The following CRISPLD2 variants were observed in gnomAD, a reference collection of about 807,000 sequenced individuals.
CRISPLD2 encodes the protein cysteine rich secretory protein LCCL domain containing 2, also known as cysteine-rich secretory protein LCCL domain-containing 2.
CRISPLD2 carries 47 observed loss-of-function variants against 71.1 expected under a neutral mutation model. The observed-to-expected ratio is 0.66, with a 90% confidence interval of 0.52 to 0.84. The LOEUF (loss-of-function observed/expected upper bound fraction) is 0.84, where lower values mean the gene tolerates loss of function less well. Ranked by LOEUF, CRISPLD2 falls within the 40% of genes least tolerant of loss-of-function variation. CRISPLD2 has a pLI of 0.00. For synonymous variants in CRISPLD2, 317 were observed against 250.1 expected (o/e 1.27, Z -2.52); for missense variants, 830 against 651.1 (o/e 1.27, Z -2.99).
intron 14 of CRISPLD2, among the ~76,000 whole-genome samples, chr16:84,893,319 C>T (rs965792044): frequency 6.6e-6 from 1 of 152,154 alleles, no homozygotes. Flanking sequence ...CACCTGTTGC[C>T]ACAACTTCAA....
intron 12 of CRISPLD2, among the ~76,000 whole-genome samples, 188 bp downstream of exon 12, chr16:84,877,698 A>G (rs2071532188): frequency 6.6e-6 from 1 of 151,784 alleles, no homozygotes; most frequent in Non-Finnish European, 1.5e-5. Flanking sequence ...AAAATTACAA[A>G]AATTAGTCAG....
chr16:84,865,813 T>G (rs1300144582), intron 6 of CRISPLD2, among the ~76,000 whole-genome samples: 1 of 152,190 alleles, frequency 6.6e-6, no homozygotes, highest in East Asian at 1.9e-4. Flanking sequence ...GGATGAAAAC[T>G]GGAAGATAAG....
chr16:84,871,237 C>T (rs1165711665), intron 8 of CRISPLD2, among the ~76,000 whole-genome samples: 1 of 152,098 alleles, frequency 6.6e-6, no homozygotes, highest in African/African-American at 2.4e-5. Flanking sequence ...AACAGCAACA[C>T]CATCATTGAG....
chr16:84,865,582 G>C (rs1917514251), intron 6 of CRISPLD2, among the ~76,000 whole-genome samples: 1 of 152,150 alleles, frequency 6.6e-6, no homozygotes, highest in African/African-American at 2.4e-5. Flanking sequence ...GGAGGCCACA[G>C]GTTTCCAACT....
intron 1 of CRISPLD2, among the ~76,000 whole-genome samples, chr16:84,827,500 G>A (rs559696378): frequency 7.9e-4 from 119 of 151,294 alleles, no homozygotes; most frequent in Non-Finnish European, 1.5e-3. Flanking sequence ...GTCACGCCTC[G>A]ACTGTGACCC....
chr16:84,898,875 A>G (rs1443938421), intron 14 of CRISPLD2, among the ~76,000 whole-genome samples: 2 of 152,148 alleles, frequency 1.3e-5, no homozygotes, highest in African/African-American at 2.4e-5. Flanking sequence ...CCTGGGCAAC[A>G]TAAGTGAGAC....
chr16:84,874,727 C>T (rs1332679536), intron 11 of CRISPLD2, among the ~76,000 whole-genome samples: 1 of 152,132 alleles, frequency 6.6e-6, no homozygotes, highest in Non-Finnish European at 1.5e-5. Flanking sequence ...AAAAGAATGC[C>T]TGTTTATTCC....
At chr16:84,890,275 C>T (rs928332658) in intron 14 of CRISPLD2, among the ~76,000 whole-genome samples, 4 of 152,124 alleles carry the variant, frequency 2.6e-5, no homozygotes, top group African/African-American at 4.8e-5. Context: ...AGGAGAATGG[C>T]GTGAACCCGG....
Position 84,906,468 on chromosome 16 carries a change from C to T in CRISPLD2, c.1440-120C>T. The T allele has an allele frequency of 9.4e-6, 9 of 961,178 alleles. No homozygotes were observed. The South Asian group carries it at 1.3e-4, about 14-fold the overall frequency. The allele number at this position is 961,178 out of a possible 1,614,324, so 59.5% of individuals were successfully genotyped here. ...GCGGCTTCAAGGAAGTGTCCCTTGG[C>T]CATGGCTCTTCCACTACGGGAGCAA... On this transcript the variant is annotated intron_variant, in intron 14 of 14. Transcript: ENST00000262424.
chr16:84,863,487 C>T (rs1411958918), intron 6 of CRISPLD2, among the ~76,000 whole-genome samples: 3 of 152,172 alleles, frequency 2.0e-5, no homozygotes, highest in Non-Finnish European at 2.9e-5. Context: ...GAGGTATTCT[C>T]CCCTCTCACC....
At chr16:84,903,999 C>G (rs995186019) in intron 14 of CRISPLD2, among the ~76,000 whole-genome samples, 7 of 152,244 alleles carry the variant, frequency 4.6e-5, no homozygotes, top group Non-Finnish European at 2.9e-5. Context: ...CCACACACCT[C>G]TGGCCATTGT....
chr16:84,901,552 A>C (rs1006102624), intron 14 of CRISPLD2, among the ~76,000 whole-genome samples: 2 of 147,916 alleles, frequency 1.4e-5, no homozygotes, highest in South Asian at 4.3e-4. Context: ...GCTCATTGCA[A>C]CCTCCACCTC....
At chr16:84,857,522 C>G (rs112081645) in intron 6 of CRISPLD2, among the ~76,000 whole-genome samples, 2 of 152,200 alleles carry the variant, frequency 1.3e-5, no homozygotes, top group Non-Finnish European at 2.9e-5. Flanking sequence ...AGTATATAAT[C>G]GCACATCTGG....
chr16:84,896,942 A>G (rs2143371916), intron 14 of CRISPLD2, among the ~76,000 whole-genome samples: 1 of 152,302 alleles, frequency 6.6e-6, no homozygotes, highest in East Asian at 1.9e-4. Flanking sequence ...TGGAACCAGA[A>G]CCGGCCGTCC....
chr16:84,868,752 G>T, intron 7 of CRISPLD2, 99 bp from the exon 8 acceptor site: 1 of 998,604 alleles, frequency 1.0e-6, no homozygotes, highest in Non-Finnish European at 1.6e-6. Flanking sequence ...AGCACGGATT[G>T]GATTGCAGAA....
chr16:84,907,203 G>C lies in CRISPLD2; in HGVS notation c.*561G>C, dbSNP rs2071810903. The C allele has an allele frequency of 6.0e-6, 1 of 167,958 alleles. No individual in the cohort carries two copies. The highest frequency in any genetic ancestry group is 1.4e-4 in the South Asian group (1 of 7,046). 10.4% of individuals were successfully genotyped at this position (167,958 alleles called of 1,614,324 possible). On this transcript the variant is annotated 3_prime_UTR_variant, in exon 15 of 15. Coordinates refer to ENST00000262424, the MANE Select transcript of CRISPLD2 (RefSeq NM_031476.4). ...ACAGACAAATGGGCTAGAGTAAGAGGGCTGCGGGTATGAGAGACCCCGGCT... is the reference window on the plus strand; with the variant it reads ...ACAGACAAATGGGCTAGAGTAAGAGCGCTGCGGGTATGAGAGACCCCGGCT...
At chr16:84,874,909 A>C (rs1434751654) in intron 11 of CRISPLD2, among the ~76,000 whole-genome samples, 1 of 152,164 alleles carries the variant, frequency 6.6e-6, no homozygotes. Context: ...CTTGAAATGG[A>C]GTTACATACA....
chr16:84,820,912 C>T (rs997277422), intron 1 of CRISPLD2, among the ~76,000 whole-genome samples: 1 of 152,196 alleles, frequency 6.6e-6, no homozygotes, highest in Non-Finnish European at 1.5e-5. Context: ...TGGACAGAGC[C>T]AGGGCTAGTC....
At chr16:84,872,571 A>G in intron 9 of CRISPLD2, 63 bp downstream of exon 9, 1 of 1,405,024 alleles carries the variant, frequency 7.1e-7, no homozygotes, top group Non-Finnish European at 9.9e-7. Context: ...TGTTTAAAGC[A>G]GGTGGTTGGC....
Sources: gnomAD v4.1 joint callset for allele counts (sites outside exome capture counted in the v4.1 genomes callset) on GRCh38, gnomAD v4.1.1 for gene constraint, MANE v1.5 for transcripts, NCBI Gene and HGNC (gene_info 2026-07-23, HGNC 2026-07-21) for gene names.